The following DNAJC3 variants were observed in gnomAD, a reference collection of about 807,000 sequenced individuals.
DNAJC3 encodes DnaJ heat shock protein family (Hsp40) member C3, also known as dnaJ homolog subfamily C member 3.
A neutral mutation model predicts 68.6 loss-of-function variants in DNAJC3; 38 were observed. That is an observed-to-expected ratio of 0.55 (90% CI 0.43 to 0.73). The LOEUF (loss-of-function observed/expected upper bound fraction) is 0.73. Among genes scored for constraint, DNAJC3 ranks in the 30% least tolerant of loss-of-function variants. DNAJC3 has a pLI of 0.00. For missense variants in DNAJC3, 526 were observed against 591.9 expected (o/e 0.89, Z 1.16); for synonymous variants, 203 against 204.0 (o/e 1.00, Z 0.04).
At chr13:95,756,362 AGAGT>A (rs1882661676) in intron 4 of DNAJC3, among the ~76,000 whole-genome samples, 2 of 152,332 alleles carry the variant, frequency 1.3e-5, no homozygotes, top group East Asian at 1.9e-4. Flanking sequence ...ACCCTCCCCC[AGAGT>A]GAGTGGAGGT....
chr13:95,732,425 T>C (rs922000779), intron 4 of DNAJC3, among the ~76,000 whole-genome samples: 6 of 152,188 alleles, frequency 3.9e-5, no homozygotes, highest in Non-Finnish European at 7.4e-5. Context: ...TCCAGGAATT[T>C]ATCCATTTCC....
chr13:95,775,689 T>C (rs1344727371), intron 9 of DNAJC3, among the ~76,000 whole-genome samples: 1 of 152,186 alleles, frequency 6.6e-6, no homozygotes, highest in Non-Finnish European at 1.5e-5. Context: ...ATGAAAGCCA[T>C]TTAGTAGATT....
chr13:95,754,049 G>A (rs540025074), intron 4 of DNAJC3, among the ~76,000 whole-genome samples: 1 of 152,222 alleles, frequency 6.6e-6, no homozygotes, highest in South Asian at 2.1e-4. Flanking sequence ...ATTATCCAAC[G>A]TTAGCAGCTT....
chr13:95,681,242 C>G lies in DNAJC3; in HGVS notation c.82+3905C>G, dbSNP rs150240500. On this transcript the variant is annotated intron_variant, in intron 1 of 11. Coordinates refer to ENST00000602402, the MANE Select transcript of DNAJC3 (RefSeq NM_006260.5). ...TCTGTTTTACTCACCTGCCAAAACC[C>G]AACACTGGTTAAATTCAACTTGGCC... 5.2e-4 allele frequency among the ~76,000 whole-genome samples: 79 copies of G among 152,320 alleles called. No homozygotes were observed. In the East Asian group the frequency reaches 9.3e-3, roughly 18 times the overall value.
intron 5 of DNAJC3, among the ~76,000 whole-genome samples, chr13:95,758,614 T>C (rs1882734341): frequency 1.3e-5 from 1 of 79,358 alleles, no homozygotes; most frequent in Non-Finnish European, 2.1e-5. Flanking sequence ...TGAGACTCCG[T>C]CTCAAAAAAA....
intron 4 of DNAJC3, among the ~76,000 whole-genome samples, chr13:95,743,309 C>CA (rs1283113067): frequency 1.3e-5 from 2 of 152,212 alleles, no homozygotes; most frequent in Non-Finnish European, 2.9e-5. Flanking sequence ...GCAATGTGGG[C>CA]AGTGAGTACT....
chr13:95,677,788 G>A (rs1277101916), intron 1 of DNAJC3, among the ~76,000 whole-genome samples: 1 of 152,232 alleles, frequency 6.6e-6, no homozygotes, highest in East Asian at 1.9e-4. Flanking sequence ...TGGGGAAGGA[G>A]TGTCATGTCC....
At chr13:95,697,681 A>G (rs969881687) in intron 1 of DNAJC3, among the ~76,000 whole-genome samples, 3 of 151,424 alleles carry the variant, frequency 2.0e-5, no homozygotes, top group Non-Finnish European at 2.9e-5. Flanking sequence ...ACATAATCCC[A>G]TATTTTTCAA....
At chr13:95,692,357 T>C (rs1042559001) in intron 1 of DNAJC3, among the ~76,000 whole-genome samples, 5 of 152,108 alleles carry the variant, frequency 3.3e-5, no homozygotes, top group African/African-American at 1.2e-4. Flanking sequence ...ATCTGTCTTG[T>C]GTTGTCAGTG....
intron 4 of DNAJC3, among the ~76,000 whole-genome samples, chr13:95,734,683 T>G (rs1477955268): frequency 6.6e-6 from 1 of 152,180 alleles, no homozygotes; most frequent in African/African-American, 2.4e-5. Flanking sequence ...TATGGAGTTC[T>G]GTGTGTCATG....
intron 1 of DNAJC3, among the ~76,000 whole-genome samples, chr13:95,696,307 G>A (rs987858587): frequency 9.2e-5 from 14 of 152,154 alleles, no homozygotes; most frequent in African/African-American, 2.9e-4. Flanking sequence ...CCTCTCGGGC[G>A]TGTTACTCTC....
intron 1 of DNAJC3, among the ~76,000 whole-genome samples, chr13:95,691,472 A>T (rs1407156607): frequency 1.3e-5 from 2 of 149,116 alleles, no homozygotes; most frequent in Non-Finnish European, 3.0e-5. Context: ...CCGGGCAGAG[A>T]TGCTCCTCAC....
At chr13:95,768,263 G>A (rs916510529) in intron 9 of DNAJC3, among the ~76,000 whole-genome samples, 2 of 152,128 alleles carry the variant, frequency 1.3e-5, no homozygotes, top group African/African-American at 4.8e-5. Context: ...TAGAATTGTG[G>A]TGGCTATTAA....
intron 9 of DNAJC3, among the ~76,000 whole-genome samples, chr13:95,782,405 T>C (rs1297748207): frequency 3.3e-5 from 5 of 152,214 alleles, no homozygotes; most frequent in Non-Finnish European, 7.3e-5. Flanking sequence ...GTTGAACTAA[T>C]TTACTCTCCC....
At chr13:95,722,605 C>CA (rs1346244769) in intron 2 of DNAJC3, among the ~76,000 whole-genome samples, 2 of 125,044 alleles carry the variant, frequency 1.6e-5, no homozygotes, top group Non-Finnish European at 3.1e-5. Flanking sequence ...AGACTCTCTA[C>CA]AAAAAATTAA....
chr13:95,720,311 A>G (rs1159457758), intron 2 of DNAJC3, among the ~76,000 whole-genome samples: 2 of 152,208 alleles, frequency 1.3e-5, no homozygotes, highest in African/African-American at 4.8e-5. Context: ...TTCTTTGCTT[A>G]GTGTGAATAA....
In DNAJC3 at chr13:95,791,471, C is replaced by G. The variant is rs1351474322; in HGVS notation, c.*441C>G. On this transcript the variant is annotated 3_prime_UTR_variant, in exon 12 of 12. Coordinates refer to ENST00000602402, the MANE Select transcript of DNAJC3 (RefSeq NM_006260.5). ...TAAAGAGAACATGAACATTTTTGAGCTGTATGTTCTTAGGGACAACTGTGC... is the reference window on the plus strand; with the variant it reads ...TAAAGAGAACATGAACATTTTTGAGGTGTATGTTCTTAGGGACAACTGTGC... 5.4e-6 allele frequency: 1 copy of G among 184,476 alleles called. No individual in the cohort carries two copies. Among genetic ancestry groups the G allele is most frequent in the African/African-American group, 2.4e-5 (1 of 41,560 alleles). 11.4% of individuals were successfully genotyped at this position (184,476 alleles called of 1,614,324 possible). A position where few individuals can be genotyped will look rare whatever the true frequency, so the allele number is the denominator to read the frequency against.
chr13:95,759,583 T>G (rs746700076), intron 5 of DNAJC3, among the ~76,000 whole-genome samples: 1 of 152,226 alleles, frequency 6.6e-6, no homozygotes, highest in Non-Finnish European at 1.5e-5. Context: ...AATGTGGTTA[T>G]TAGCAGAAAA....
At chr13:95,718,234 A>T (rs1165763451) in intron 2 of DNAJC3, among the ~76,000 whole-genome samples, 1 of 152,256 alleles carries the variant, frequency 6.6e-6, no homozygotes, top group Non-Finnish European at 1.5e-5. Flanking sequence ...TTTCAAGGTT[A>T]TCCAGTCTTG....
Sources: gnomAD v4.1 joint callset for allele counts (sites outside exome capture counted in the v4.1 genomes callset) on GRCh38, gnomAD v4.1.1 for gene constraint, MANE v1.5 for transcripts, NCBI Gene and HGNC (gene_info 2026-07-23, HGNC 2026-07-21) for gene names.